The following COPS3 variants were observed in gnomAD, a reference collection of about 807,000 sequenced individuals.
COPS3 encodes the protein COP9 signalosome complex subunit 3.
In COPS3, 10 loss-of-function variants were observed where a neutral mutation model predicts 58.2. That is an observed-to-expected ratio of 0.17 (90% CI 0.11 to 0.29). The LOEUF (loss-of-function observed/expected upper bound fraction) is 0.29. Among genes scored for constraint, COPS3 ranks in the 10% least tolerant of loss-of-function variants. The probability of loss-of-function intolerance (pLI) is 1.00; values close to 1 mark genes in which losing one functional copy is unlikely to be tolerated. For missense variants in COPS3, 333 were observed against 510.1 expected (o/e 0.65, Z 3.34); for synonymous variants, 187 against 181.7 (o/e 1.03, Z -0.24).
intron 4 of COPS3, among the ~76,000 whole-genome samples, chr17:17,269,845 G>T (rs772514639): frequency 6.6e-6 from 1 of 152,146 alleles, no homozygotes; most frequent in Non-Finnish European, 1.5e-5. Flanking sequence ...CTGTCAATTT[G>T]TTGATGCATT....
Position 17,264,994 on chromosome 17 carries a change from T to G in COPS3, c.442-13A>C. ...CTAGCAAACAAAGCTGTGAACAAAT[T>G]GATATTAAATCATCACTTTAATTTT... On this transcript the variant is annotated splice_polypyrimidine_tract_variant and intron_variant, in intron 5 of 11. Coordinates refer to ENST00000268717, the MANE Select transcript of COPS3 (RefSeq NM_003653.4). The G allele has an allele frequency of 6.2e-7, 1 of 1,602,970 alleles. No homozygotes were observed. Among genetic ancestry groups the G allele is most frequent in the Non-Finnish European group, 8.5e-7 (1 of 1,177,526 alleles).
At chr17:17,252,634 G>A (rs2047876819) in intron 9 of COPS3, among the ~76,000 whole-genome samples, 1 of 152,238 alleles carries the variant, frequency 6.6e-6, no homozygotes, top group Non-Finnish European at 1.5e-5. Flanking sequence ...CAGGGTGTCT[G>A]GGCTGGTTAA....
At chr17:17,254,285 G>A (rs1197059345) in intron 9 of COPS3, among the ~76,000 whole-genome samples, 3 of 148,324 alleles carry the variant, frequency 2.0e-5, no homozygotes, top group Non-Finnish European at 4.4e-5. Flanking sequence ...ACCAGCCTGG[G>A]CAACAAGATG....
chr17:17,255,369 T>C (rs1167354906), intron 8 of COPS3, among the ~76,000 whole-genome samples: 2 of 151,300 alleles, frequency 1.3e-5, no homozygotes, highest in African/African-American at 4.9e-5. Flanking sequence ...TCCCAGCTAC[T>C]TGGGAGGCTG....
intron 9 of COPS3, among the ~76,000 whole-genome samples, chr17:17,253,526 A>G (rs78816199): frequency 6.6e-6 from 1 of 152,068 alleles, no homozygotes; most frequent in African/African-American, 2.4e-5. Flanking sequence ...CACTGGTGCT[A>G]TTTCATTTCC....
At chr17:17,260,590 G>C (rs2048071917) in intron 7 of COPS3, 116 bp from the exon 8 acceptor site, 1 of 904,378 alleles carries the variant, frequency 1.1e-6, no homozygotes, top group East Asian at 2.6e-5. Flanking sequence ...AATCACCTGG[G>C]GTCAGGGGTT....
At chr17:17,261,698 GAAA>G (rs139813720) in intron 7 of COPS3, 54 of 362,602 alleles carry the variant, frequency 1.5e-4, no homozygotes, top group East Asian at 5.1e-4. Flanking sequence ...TGTCTCTAGG[GAAA>G]AAAAAAAAAA....
At chr17:17,251,619 A>G (rs1268552222) in intron 9 of COPS3, among the ~76,000 whole-genome samples, 4 of 152,122 alleles carry the variant, frequency 2.6e-5, no homozygotes, top group African/African-American at 9.7e-5. Flanking sequence ...GGAAAGGTGT[A>G]TCAAACACTG....
chr17:17,267,073 C>A (rs1475205772), intron 5 of COPS3, among the ~76,000 whole-genome samples: 1 of 151,558 alleles, frequency 6.6e-6, no homozygotes, highest in East Asian at 2.0e-4. Context: ...CACAGTGGCT[C>A]ACGCCTGTAA....
intron 1 of COPS3, among the ~76,000 whole-genome samples, chr17:17,279,776 A>G (rs772899811): frequency 2.0e-5 from 3 of 152,218 alleles, no homozygotes; most frequent in Admixed American, 6.5e-5. Context: ...TCTCTCATTG[A>G]ATCTTCACAA....
Position 17,281,116 on chromosome 17 carries a change from C to A in COPS3, c.55+16G>T. On this transcript the variant is annotated intron_variant, in intron 1 of 11. Transcript: ENST00000268717. The stretch of plus-strand genomic sequence containing the variant: ...CGGTACCCGCCCATGCCCAGCCCGG[C>A]GGCCTAGGGCGTTACCTTGAGCTGA... 6.2e-7 allele frequency: 1 copy of A among 1,605,008 alleles called. No homozygotes were observed. The highest frequency in any genetic ancestry group is 8.5e-7 in the Non-Finnish European group (1 of 1,175,886).
At chr17:17,281,050 C>G (rs1381840200) in intron 1 of COPS3, 82 bp downstream of exon 1, 2 of 1,477,322 alleles carry the variant, frequency 1.4e-6, no homozygotes, top group Non-Finnish European at 1.9e-6. Flanking sequence ...AAGGGCTGTT[C>G]CAGCCGTCCG....
At position 17,264,888 on chromosome 17, in the gene COPS3, T is replaced by G; in HGVS notation, c.535A>C (p.Lys179Gln). 2.5e-6 allele frequency: 4 copies of G among 1,613,924 alleles called. No individual in the cohort carries two copies. Among genetic ancestry groups the G allele is most frequent in the South Asian group, 1.1e-5 (1 of 91,076 alleles). The change falls in exon 6 of 12, where the codon AAA (lysine) becomes CAA (glutamine). Residue 179 changes from lysine to glutamine, a missense_variant. Physicochemically the swap from Lys to Gln is moderately conservative, Grantham distance 53 (BLOSUM62 1). Transcript: ENST00000268717. ...ICKENGAYDA[K>Q]HFLCYYYYGG... ...TAATAATAGTAACATAAAAAGTGTTTTGCATCATAGGCTCCATTCTCTTTA... is the reference window on the plus strand; with the variant it reads ...TAATAATAGTAACATAAAAAGTGTTGTGCATCATAGGCTCCATTCTCTTTA...
At chr17:17,253,235 A>G (rs1021172560) in intron 9 of COPS3, among the ~76,000 whole-genome samples, 1 of 151,952 alleles carries the variant, frequency 6.6e-6, no homozygotes. Context: ...CAATCAATCA[A>G]TCAATCAATC....
At chr17:17,262,196 A>C in intron 6 of COPS3, 90 bp from the exon 7 acceptor site, 1 of 1,203,554 alleles carries the variant, frequency 8.3e-7, no homozygotes, top group Non-Finnish European at 1.2e-6. Context: ...TTATAAGTCA[A>C]TAATACTTTT....
chr17:17,267,669 T>C (rs80349803), intron 5 of COPS3, among the ~76,000 whole-genome samples: 2,109 of 151,166 alleles, frequency 0.014, 29 homozygotes, highest in South Asian at 0.034. Flanking sequence ...CAACTATTAA[T>C]TACCCTATCT....
chr17:17,258,479 T>A (rs1403311603), intron 8 of COPS3, among the ~76,000 whole-genome samples: 2 of 152,174 alleles, frequency 1.3e-5, no homozygotes, highest in African/African-American at 4.8e-5. Flanking sequence ...TTGAAACCGT[T>A]ATTTAATTTT....
At chr17:17,267,545 G>C (rs946575423) in intron 5 of COPS3, among the ~76,000 whole-genome samples, 8 of 151,444 alleles carry the variant, frequency 5.3e-5, no homozygotes, top group African/African-American at 1.9e-4. Context: ...GGCTGAGGCA[G>C]GAGAATTGCT....
intron 7 of COPS3, chr17:17,260,677 C>A: frequency 2.6e-6 from 1 of 382,020 alleles, no homozygotes. Context: ...ATAGCACATG[C>A]CTGTAATCCC....
Sources: allele counts gnomAD v4.1 joint callset (sites outside exome capture counted in the v4.1 genomes callset), GRCh38; gene constraint gnomAD v4.1.1; transcripts MANE v1.5; gene names NCBI Gene and HGNC (gene_info 2026-07-23, HGNC 2026-07-21).